The following CNTNAP5 variants were observed in gnomAD, a reference collection of about 807,000 sequenced individuals.
CNTNAP5 encodes contactin associated protein family member 5.
In CNTNAP5, 72 loss-of-function variants were observed where a neutral mutation model predicts 150.2. The ratio of observed to expected loss-of-function variants is 0.48; its 90% confidence interval spans 0.40 to 0.58. The LOEUF (loss-of-function observed/expected upper bound fraction) is 0.58. Among genes scored for constraint, CNTNAP5 ranks in the 20% least tolerant of loss-of-function variants. CNTNAP5 has a pLI of 0.00. For synonymous variants in CNTNAP5, 672 were observed against 619.8 expected (o/e 1.08, Z -1.25); for missense variants, 1,636 against 1,626.2 (o/e 1.01, Z -0.10).
intron 14 of CNTNAP5, among the ~76,000 whole-genome samples, chr2:124,762,152 A>T (rs1014056864): frequency 3.9e-5 from 6 of 152,134 alleles, no homozygotes; most frequent in Non-Finnish European, 5.9e-5. Flanking sequence ...CAACATTCAT[A>T]GATGTACTTT....
intron 3 of CNTNAP5, among the ~76,000 whole-genome samples, chr2:124,257,190 AATTTT>A (rs1687334843): frequency 6.6e-6 from 1 of 152,218 alleles, no homozygotes. Flanking sequence ...ATGAAAGAAT[AATTTT>A]CTTTTGCAAA....
intron 10 of CNTNAP5, among the ~76,000 whole-genome samples, chr2:124,529,093 G>T (rs549806835): frequency 1.3e-5 from 2 of 149,204 alleles, no homozygotes; most frequent in South Asian, 2.1e-4. Context: ...AGCTGAAAAA[G>T]TAGTAATAAA....
At chr2:124,691,049 T>C (rs1275728298) in intron 13 of CNTNAP5, among the ~76,000 whole-genome samples, 1 of 152,024 alleles carries the variant, frequency 6.6e-6, no homozygotes, top group Non-Finnish European at 1.5e-5. Context: ...CAGGGGAAAC[T>C]CCATTTTTAT....
intron 3 of CNTNAP5, among the ~76,000 whole-genome samples, chr2:124,375,138 G>A (rs1049119052): frequency 9.2e-5 from 14 of 152,058 alleles, no homozygotes; most frequent in Non-Finnish European, 1.6e-4. Flanking sequence ...AATAATGGTC[G>A]CAATACATGG....
At chr2:124,340,488 TAC>T (rs2104691038) in intron 3 of CNTNAP5, among the ~76,000 whole-genome samples, 1 of 152,122 alleles carries the variant, frequency 6.6e-6, no homozygotes, top group African/African-American at 2.4e-5. Context: ...CCAAATAATA[TAC>T]CATACTCTGA....
intron 19 of CNTNAP5, among the ~76,000 whole-genome samples, chr2:124,846,104 C>T (rs1359538082): frequency 6.6e-6 from 1 of 151,836 alleles, no homozygotes; most frequent in Non-Finnish European, 1.5e-5. Flanking sequence ...CTTAGATTGC[C>T]TATTTTTGCT....
intron 1 of CNTNAP5, among the ~76,000 whole-genome samples, chr2:124,047,110 C>T (rs535454719): frequency 6.6e-6 from 1 of 152,192 alleles, no homozygotes; most frequent in East Asian, 1.9e-4. Flanking sequence ...ATGAGGATGG[C>T]CTAACATTTA....
At chr2:124,423,288 CGTCA>C (rs1205796048) in intron 4 of CNTNAP5, among the ~76,000 whole-genome samples, 8 of 152,186 alleles carry the variant, frequency 5.3e-5, no homozygotes, top group Non-Finnish European at 1.0e-4. Context: ...TCGTTACCTT[CGTCA>C]GATATTTAGG....
chr2:124,088,152 A>G (rs1317142191), intron 1 of CNTNAP5, among the ~76,000 whole-genome samples: 1 of 152,136 alleles, frequency 6.6e-6, no homozygotes, highest in Non-Finnish European at 1.5e-5. Flanking sequence ...TTCAGATTGG[A>G]TAAGTTTTAT....
At chr2:124,187,985 G>C (rs1685371180) in intron 1 of CNTNAP5, among the ~76,000 whole-genome samples, 1 of 152,166 alleles carries the variant, frequency 6.6e-6, no homozygotes, top group Non-Finnish European at 1.5e-5. Flanking sequence ...CTGAAGATCT[G>C]ATCAGGGAGT....
At chr2:124,252,364 C>T (rs911044502) in intron 3 of CNTNAP5, among the ~76,000 whole-genome samples, 1 of 152,134 alleles carries the variant, frequency 6.6e-6, no homozygotes, top group Non-Finnish European at 1.5e-5. Flanking sequence ...TCCTGCATCC[C>T]TCAAACCCAG....
chr2:124,586,403 C>A (rs981895536), intron 11 of CNTNAP5, among the ~76,000 whole-genome samples: 2 of 152,180 alleles, frequency 1.3e-5, no homozygotes, highest in African/African-American at 4.8e-5. Flanking sequence ...TACTATCCAG[C>A]GGAGCCAGGA....
At chr2:124,114,832 G>A (rs1683387368) in intron 1 of CNTNAP5, among the ~76,000 whole-genome samples, 1 of 151,174 alleles carries the variant, frequency 6.6e-6, no homozygotes, top group African/African-American at 2.4e-5. Context: ...TATATTATAT[G>A]TACATATATT....
At chr2:124,383,857 T>A (rs967274908) in intron 3 of CNTNAP5, among the ~76,000 whole-genome samples, 1 of 152,188 alleles carries the variant, frequency 6.6e-6, no homozygotes, top group Non-Finnish European at 1.5e-5. Context: ...AAACAACCAA[T>A]ATCATATTAT....
At chr2:124,487,949 G>A (rs1195214572) in intron 7 of CNTNAP5, among the ~76,000 whole-genome samples, 1 of 152,136 alleles carries the variant, frequency 6.6e-6, no homozygotes, top group African/African-American at 2.4e-5. Context: ...TGATTCATAA[G>A]AGTCCAGAGA....
intron 4 of CNTNAP5, among the ~76,000 whole-genome samples, chr2:124,421,520 C>T (rs138306922): frequency 3.1e-4 from 47 of 152,304 alleles, no homozygotes; most frequent in African/African-American, 1.0e-3. Flanking sequence ...CCATGTACTT[C>T]TCCCACTTTT....
chr2:124,713,234 TC>T (rs1553434402), intron 13 of CNTNAP5, among the ~76,000 whole-genome samples: 1 of 40,542 alleles, frequency 2.5e-5, no homozygotes, highest in Non-Finnish European at 5.3e-5. Context: ...TTTCTTTCTT[TC>T]TTTCTTTCTC....
chr2:124,261,776 C>T (rs1196461143), intron 3 of CNTNAP5, among the ~76,000 whole-genome samples: 1 of 152,190 alleles, frequency 6.6e-6, no homozygotes, highest in Non-Finnish European at 1.5e-5. Flanking sequence ...AGGTACCAGT[C>T]CTCCTGCTCT....
chr2:124,476,466 C>T (rs542728534), intron 7 of CNTNAP5, among the ~76,000 whole-genome samples: 2 of 152,190 alleles, frequency 1.3e-5, no homozygotes, highest in South Asian at 4.1e-4. Context: ...GAGAGGGATG[C>T]CCTTCATATC....
Sources: gnomAD v4.1 joint callset for allele counts (sites outside exome capture counted in the v4.1 genomes callset) on GRCh38, gnomAD v4.1.1 for gene constraint, MANE v1.5 for transcripts, NCBI Gene and HGNC (gene_info 2026-07-23, HGNC 2026-07-21) for gene names.